RAPGEF2: variants seen among roughly 807,000 people sequenced by gnomAD.
The protein encoded by RAPGEF2 is Rap guanine nucleotide exchange factor 2, also known as PDZ domain containing guanine nucleotide exchange factor (GEF) 1.
RAPGEF2 carries 54 observed loss-of-function variants against 186.7 expected under a neutral mutation model. That is an observed-to-expected ratio of 0.29 (90% CI 0.23 to 0.36). RAPGEF2 has a LOEUF of 0.36. Ranked by LOEUF, RAPGEF2 falls within the 10% of genes least tolerant of loss-of-function variation. The probability of loss-of-function intolerance (pLI) is 1.00; values close to 1 mark genes in which losing one functional copy is unlikely to be tolerated. For missense variants in RAPGEF2, 1,532 were observed against 2,045.0 expected, an observed-to-expected ratio of 0.75 and a Z score of 4.84; for synonymous variants, 712 against 705.9, an observed-to-expected ratio of 1.01 and a Z score of -0.14.
At chr4:159,134,757 T>C (rs1039095046) in intron 1 of RAPGEF2, among the ~76,000 whole-genome samples, 4 of 152,250 alleles carry the variant, frequency 2.6e-5, no homozygotes, top group African/African-American at 9.6e-5. Context: ...CCATTTAAAG[T>C]ATATAATCAG....
intron 26 of RAPGEF2, chr4:159,351,060 T>C (rs1430945344): frequency 6.5e-7 from 1 of 1,531,542 alleles, no homozygotes; most frequent in East Asian, 2.4e-5. Context: ...TGTTGTTAGG[T>C]GGCAGTGGCA....
chr4:159,220,870 A>C (rs1291431923), intron 4 of RAPGEF2, among the ~76,000 whole-genome samples: 1 of 152,212 alleles, frequency 6.6e-6, no homozygotes, highest in Non-Finnish European at 1.5e-5. Flanking sequence ...CCTTTAAAAA[A>C]ATCACTTTAA....
chr4:159,171,358 G>A (rs1479126413), intron 1 of RAPGEF2, among the ~76,000 whole-genome samples: 1 of 152,156 alleles, frequency 6.6e-6, no homozygotes, highest in East Asian at 1.9e-4. Flanking sequence ...GATTCGCTTA[G>A]AAAATCTTAG....
chr4:159,285,373 C>A (rs1760318659), intron 7 of RAPGEF2, among the ~76,000 whole-genome samples: 1 of 152,122 alleles, frequency 6.6e-6, no homozygotes, highest in African/African-American at 2.4e-5. Flanking sequence ...CTATGAATTA[C>A]AGTCTAAAGG....
chr4:159,268,963 C>A (rs6824488), intron 7 of RAPGEF2, among the ~76,000 whole-genome samples: 45,909 of 152,004 alleles, frequency 0.3, 7,809 homozygotes, highest in Non-Finnish European at 0.39. Flanking sequence ...TATATTCAAT[C>A]GTGAAAATGC....
intron 1 of RAPGEF2, among the ~76,000 whole-genome samples, chr4:159,185,289 C>G (rs1033216336): frequency 6.6e-6 from 1 of 152,140 alleles, no homozygotes; most frequent in African/African-American, 2.4e-5. Flanking sequence ...CATAGAGTTA[C>G]CACGTGAACC....
chr4:159,144,052 C>T (rs553009598), intron 1 of RAPGEF2, among the ~76,000 whole-genome samples: 19 of 152,238 alleles, frequency 1.2e-4, no homozygotes, highest in Non-Finnish European at 2.2e-4. Flanking sequence ...ACAGTGAAAC[C>T]GTGTAAAGAA....
At chr4:159,210,042 TA>T (rs1750368273) in intron 3 of RAPGEF2, among the ~76,000 whole-genome samples, 2 of 152,178 alleles carry the variant, frequency 1.3e-5, no homozygotes, top group Non-Finnish European at 2.9e-5. Flanking sequence ...ATGGGAGGGA[TA>T]AGAATATATG....
chr4:159,273,231 A>C (rs933614173), intron 7 of RAPGEF2, among the ~76,000 whole-genome samples: 5 of 152,204 alleles, frequency 3.3e-5, no homozygotes, highest in Admixed American at 1.3e-4. Context: ...GAGGAAGCAT[A>C]TCCTGTTGTT....
chr4:159,104,354 C>G (rs1737543066), intron 1 of RAPGEF2, 123 bp downstream of exon 1: 1 of 463,982 alleles, frequency 2.2e-6, no homozygotes, highest in Non-Finnish European at 4.0e-6. Context: ...TGCATCAGGA[C>G]CCCCAACTTC....
At chr4:159,267,687 G>T in intron 7 of RAPGEF2, 1 of 907,096 alleles carries the variant, frequency 1.1e-6, no homozygotes, top group Non-Finnish European at 1.3e-6. Flanking sequence ...AACAATGCTT[G>T]GCTGAATGCT....
At chr4:159,134,183 C>T (rs1221241044) in intron 1 of RAPGEF2, among the ~76,000 whole-genome samples, 1 of 152,162 alleles carries the variant, frequency 6.6e-6, no homozygotes, top group Non-Finnish European at 1.5e-5. Flanking sequence ...GATTTCTATC[C>T]TTATAGTTTT....
At chr4:159,209,671 G>A (rs1403372642) in intron 3 of RAPGEF2, among the ~76,000 whole-genome samples, 6 of 152,200 alleles carry the variant, frequency 3.9e-5, no homozygotes, top group Non-Finnish European at 8.8e-5. Flanking sequence ...AGGTTGTGGG[G>A]AAGTAGGTAG....
intron 25 of RAPGEF2, among the ~76,000 whole-genome samples, chr4:159,347,892 A>C (rs1730572402): frequency 6.6e-6 from 1 of 152,272 alleles, no homozygotes; most frequent in South Asian, 2.1e-4. Context: ...GTATATGTGA[A>C]TGAAACAGTT....
In RAPGEF2 at chr4:159,195,506, G is replaced by A. The variant is rs113810657; in HGVS notation, c.197+2250G>A. 6.7e-3 allele frequency among the ~76,000 whole-genome samples: 1,024 copies of A among 152,164 alleles called. 3 individuals are homozygous for A. The highest frequency in any genetic ancestry group is 0.011 in the Non-Finnish European group (763 of 68,018). On this transcript the variant is annotated intron_variant, in intron 3 of 29. Transcript: ENST00000691494. ...ATATGCATTCATTTACTTATTCTTC[G>A]TGGATATCTTGTGAAGTACTTGTTA... is the stretch of plus-strand genomic sequence containing the variant.
At chr4:159,253,477 C>T (rs963765971) in intron 7 of RAPGEF2, among the ~76,000 whole-genome samples, 11 of 152,156 alleles carry the variant, frequency 7.2e-5, no homozygotes, top group African/African-American at 2.7e-4. Context: ...TATTAAGAAG[C>T]TGTCAGACTT....
intron 1 of RAPGEF2, among the ~76,000 whole-genome samples, chr4:159,160,647 G>A (rs1438280199): frequency 2.7e-5 from 4 of 150,712 alleles, no homozygotes; most frequent in African/African-American, 9.7e-5. Flanking sequence ...ATGATATTCA[G>A]TATATCTTTT....
intron 4 of RAPGEF2, among the ~76,000 whole-genome samples, chr4:159,222,373 A>G (rs1403696786): frequency 6.6e-6 from 1 of 152,230 alleles, no homozygotes; most frequent in Admixed American, 6.5e-5. Context: ...GGAGTTCCAC[A>G]GGTCACCTGG....
chr4:159,141,257 A>T (rs975282136), intron 1 of RAPGEF2, among the ~76,000 whole-genome samples: 1 of 152,134 alleles, frequency 6.6e-6, no homozygotes, highest in Non-Finnish European at 1.5e-5. Context: ...GGATATTTAG[A>T]TATATTTTGT....
Sources: allele counts gnomAD v4.1 joint callset (sites outside exome capture counted in the v4.1 genomes callset), GRCh38; gene constraint gnomAD v4.1.1; transcripts MANE v1.5; gene names NCBI Gene and HGNC (gene_info 2026-07-23, HGNC 2026-07-21).